ABLIM1: variants seen among roughly 807,000 people sequenced by gnomAD.
ABLIM1 encodes the protein actin binding LIM protein 1, also known as actin-binding LIM protein 1.
A neutral mutation model predicts 107.0 loss-of-function variants in ABLIM1; 40 were observed. That is an observed-to-expected ratio of 0.37 (90% confidence interval 0.29 to 0.49). The LOEUF is 0.49. Ranked by LOEUF, ABLIM1 falls within the 20% of genes least tolerant of loss-of-function variation. The pLI is 0.97. For synonymous variants in ABLIM1, 357 were observed against 357.3 expected (o/e 1.00, Z 0.01); for missense variants, 857 against 1,008.5 (o/e 0.85, Z 2.04).
At chr10:114,445,675 G>C (rs1565253204) in intron 15 of ABLIM1, among the ~76,000 whole-genome samples, 1 of 152,142 alleles carries the variant, frequency 6.6e-6, no homozygotes, top group Non-Finnish European at 1.5e-5. Context: ...ATTAGAACTG[G>C]GTTTGCAACT....
At chr10:114,513,111 C>G (rs1345521835) in intron 6 of ABLIM1, among the ~76,000 whole-genome samples, 1 of 152,124 alleles carries the variant, frequency 6.6e-6, no homozygotes, top group Non-Finnish European at 1.5e-5. Context: ...AAAACCTAAA[C>G]CTTTGAGAAA....
intron 1 of ABLIM1, chr10:114,767,991 C>G (rs1365476686): frequency 9.9e-6 from 4 of 405,750 alleles, no homozygotes; most frequent in Non-Finnish European, 2.0e-5. Context: ...GCTGTCGCAG[C>G]CCCCCCGCCC....
At chr10:114,711,609 G>T (rs1321810340) in intron 1 of ABLIM1, among the ~76,000 whole-genome samples, 1 of 152,188 alleles carries the variant, frequency 6.6e-6, no homozygotes, top group Non-Finnish European at 1.5e-5. Flanking sequence ...GTGTGGTCAG[G>T]GTTCAGGTAA....
chr10:114,458,227 T>C (rs1368123838), intron 12 of ABLIM1, among the ~76,000 whole-genome samples: 1 of 152,186 alleles, frequency 6.6e-6, no homozygotes, highest in Non-Finnish European at 1.5e-5. Flanking sequence ...TCATCTATTG[T>C]AGTGACAAGC....
intron 21 of ABLIM1, 47 bp from the exon 22 acceptor site, chr10:114,437,971 A>T: frequency 6.5e-7 from 1 of 1,548,988 alleles, no homozygotes; most frequent in Non-Finnish European, 8.9e-7. Context: ...AGTCCATTTT[A>T]TTAACAAGCA....
chr10:114,600,812 A>T (rs2075909341), intron 2 of ABLIM1, among the ~76,000 whole-genome samples: 1 of 152,118 alleles, frequency 6.6e-6, no homozygotes, highest in Non-Finnish European at 1.5e-5. Flanking sequence ...CAGCCCAAGT[A>T]ACCTATTTAT....
At chr10:114,683,172 G>A (rs2080818318) in intron 1 of ABLIM1, among the ~76,000 whole-genome samples, 1 of 152,224 alleles carries the variant, frequency 6.6e-6, no homozygotes, top group African/African-American at 2.4e-5. Context: ...AACCTGAGGT[G>A]ACGTTATCCT....
intron 1 of ABLIM1, among the ~76,000 whole-genome samples, chr10:114,625,014 T>C (rs1177466702): frequency 6.6e-6 from 1 of 152,234 alleles, no homozygotes; most frequent in Non-Finnish European, 1.5e-5. Context: ...TGAATGTCAC[T>C]GATCAAGAAC....
At chr10:114,761,528 C>T (rs935121996) in intron 1 of ABLIM1, among the ~76,000 whole-genome samples, 1 of 152,166 alleles carries the variant, frequency 6.6e-6, no homozygotes, top group African/African-American at 2.4e-5. Context: ...GCAGTCTCAG[C>T]CATGGGAAGA....
intron 1 of ABLIM1, among the ~76,000 whole-genome samples, chr10:114,702,087 A>G (rs972265715): frequency 6.6e-6 from 1 of 152,212 alleles, no homozygotes; most frequent in African/African-American, 2.4e-5. Flanking sequence ...CAGCAACATG[A>G]CAAGATGTTT....
intron 1 of ABLIM1, among the ~76,000 whole-genome samples, chr10:114,656,226 C>T (rs566161611): frequency 9.9e-5 from 14 of 140,730 alleles, no homozygotes; most frequent in South Asian, 2.3e-4. Context: ...GCCGAGATCA[C>T]GCCATTACAC....
At chr10:114,476,982 T>C (rs1156419208) in intron 8 of ABLIM1, among the ~76,000 whole-genome samples, 1 of 152,146 alleles carries the variant, frequency 6.6e-6, no homozygotes, top group Non-Finnish European at 1.5e-5. Context: ...CTTAATCTCA[T>C]GTAATCTTCT....
chr10:114,739,586 A>G (rs1282492149), intron 1 of ABLIM1, among the ~76,000 whole-genome samples: 1 of 152,168 alleles, frequency 6.6e-6, no homozygotes, highest in Non-Finnish European at 1.5e-5. Context: ...TTAACTTAAT[A>G]TCATCCAGTA....
intron 6 of ABLIM1, among the ~76,000 whole-genome samples, chr10:114,494,160 G>A (rs2059380882): frequency 6.6e-6 from 1 of 152,126 alleles, no homozygotes; most frequent in Admixed American, 6.5e-5. Context: ...CCGAAAGAAT[G>A]GATTAATAAA....
intron 11 of ABLIM1, among the ~76,000 whole-genome samples, chr10:114,467,799 C>G (rs914741043): frequency 6.6e-6 from 1 of 152,182 alleles, no homozygotes; most frequent in South Asian, 2.1e-4. Context: ...CAAGATGGCT[C>G]TGCTTATAGA....
chr10:114,660,898 A>T (rs568478630), upstream of ABLIM1, among the ~76,000 whole-genome samples: 9 of 152,240 alleles, frequency 5.9e-5, no homozygotes, highest in Middle Eastern at 3.4e-3. Context: ...AAAAAAGGTA[A>T]CTCTTCCATA....
chr10:114,506,674 C>T (rs893731765), intron 6 of ABLIM1, among the ~76,000 whole-genome samples: 9 of 151,966 alleles, frequency 5.9e-5, no homozygotes, highest in African/African-American at 2.2e-4. Context: ...GAAGTATCTG[C>T]CCAGTTTTAA....
At chr10:114,634,123 A>ATTTTTTTTTTTTTTTTTTTT (rs1209219359) in intron 1 of ABLIM1, among the ~76,000 whole-genome samples, 2 of 68,220 alleles carry the variant, frequency 2.9e-5, no homozygotes, top group African/African-American at 5.5e-5. Context: ...CATTAGCTCA[A>ATTTTTTTTTTTTTTTTTTTT]TTTTTCTTTT....
chr10:114,747,530 T>C (rs1489471877), intron 1 of ABLIM1, among the ~76,000 whole-genome samples: 2 of 151,790 alleles, frequency 1.3e-5, no homozygotes, highest in Admixed American at 1.3e-4. Context: ...CAATGGGGAG[T>C]TGTAGAAGCT....
Sources: gnomAD v4.1 joint callset for allele counts (sites outside exome capture counted in the v4.1 genomes callset) on GRCh38, gnomAD v4.1.1 for gene constraint, MANE v1.5 for transcripts, NCBI Gene and HGNC (gene_info 2026-07-23, HGNC 2026-07-21) for gene names.